KIAA1549L: variants seen among roughly 807,000 people sequenced by gnomAD.
KIAA1549L encodes KIAA1549 like, also known as UPF0606 protein KIAA1549L.
Under a neutral mutation model 160.7 loss-of-function variants are expected in KIAA1549L, and 88 were observed. The ratio of observed to expected loss-of-function variants is 0.55; its 90% confidence interval spans 0.46 to 0.65. The LOEUF (loss-of-function observed/expected upper bound fraction) is 0.65. KIAA1549L is among the 30% of genes least tolerant of loss of function. The pLI is 0.00. For missense variants in KIAA1549L, 2,258 were observed against 2,437.5 expected, an observed-to-expected ratio of 0.93 and a Z score of 1.55; for synonymous variants, 950 against 976.7, an observed-to-expected ratio of 0.97 and a Z score of 0.51.
intron 1 of KIAA1549L, among the ~76,000 whole-genome samples, chr11:33,480,128 A>C (rs1460009459): frequency 6.6e-6 from 1 of 152,166 alleles, no homozygotes; most frequent in African/African-American, 2.4e-5. Flanking sequence ...ACCCGTTTAA[A>C]GTGTGTAATT....
chr11:33,386,467 T>A (rs979839165), intron 1 of KIAA1549L, among the ~76,000 whole-genome samples: 1 of 150,894 alleles, frequency 6.6e-6, no homozygotes, highest in African/African-American at 2.4e-5. Flanking sequence ...GATCACCTAA[T>A]GTCAGAAGTT....
chr11:33,643,694 T>G (rs923767177), intron 16 of KIAA1549L, among the ~76,000 whole-genome samples: 1 of 152,182 alleles, frequency 6.6e-6, no homozygotes, highest in Admixed American at 6.5e-5. Flanking sequence ...AGCAGGAGGC[T>G]CTGCCATTGC....
intron 1 of KIAA1549L, among the ~76,000 whole-genome samples, chr11:33,475,734 A>G (rs1053721312): frequency 9.2e-5 from 14 of 151,520 alleles, no homozygotes; most frequent in African/African-American, 3.2e-4. Flanking sequence ...GTGCACATCT[A>G]TGGTCCCAGC....
intron 1 of KIAA1549L, among the ~76,000 whole-genome samples, chr11:33,516,141 T>TGAGATGTGATCAGCTATA (rs1590303060): frequency 4.0e-5 from 2 of 49,510 alleles, no homozygotes; most frequent in East Asian, 5.2e-4. Flanking sequence ...AGGTGATTCT[T>TGAGATGTGATCAGCTATA]TTTTTTTTTT....
At chr11:33,453,394 A>G (rs769352660) in intron 1 of KIAA1549L, among the ~76,000 whole-genome samples, 3 of 152,214 alleles carry the variant, frequency 2.0e-5, no homozygotes, top group Non-Finnish European at 4.4e-5. Context: ...GTTGATTATA[A>G]GTTCAAATAT....
chr11:33,412,500 A>T (rs1015705920), intron 1 of KIAA1549L, among the ~76,000 whole-genome samples: 3 of 152,224 alleles, frequency 2.0e-5, no homozygotes, highest in Non-Finnish European at 4.4e-5. Flanking sequence ...GTATGCTACC[A>T]TGAGGCAAGA....
chr11:33,439,568 AAT>A (rs1491519744), intron 1 of KIAA1549L, among the ~76,000 whole-genome samples: 1 of 119,782 alleles, frequency 8.3e-6, no homozygotes, highest in Admixed American at 9.3e-5. Context: ...ATGCCCGGCT[AAT>A]TTTTTTTTTT....
chr11:33,492,292 C>T (rs1303885773), intron 1 of KIAA1549L, among the ~76,000 whole-genome samples: 1 of 152,140 alleles, frequency 6.6e-6, no homozygotes, highest in Non-Finnish European at 1.5e-5. Context: ...CACTTGAACC[C>T]AGAGACAGAG....
chr11:33,667,230 C>G (rs1310684017), intron 20 of KIAA1549L, among the ~76,000 whole-genome samples: 1 of 152,042 alleles, frequency 6.6e-6, no homozygotes, highest in Non-Finnish European at 1.5e-5. Context: ...ATAAGGTAGC[C>G]AGGTAGATTC....
intron 1 of KIAA1549L, among the ~76,000 whole-genome samples, chr11:33,409,419 T>C (rs1850741744): frequency 6.6e-6 from 1 of 152,230 alleles, no homozygotes; most frequent in African/African-American, 2.4e-5. Context: ...TGCTGGTTTT[T>C]ATAAAGAACA....
At chr11:33,388,946 A>C (rs957288204) in intron 1 of KIAA1549L, among the ~76,000 whole-genome samples, 11 of 152,372 alleles carry the variant, frequency 7.2e-5, no homozygotes, top group African/African-American at 2.6e-4. Context: ...ACATAGGCCA[A>C]GGTCGCTGCT....
Position 33,670,089 on chromosome 11 carries a change from A to G in KIAA1549L, c.*1935A>G, listed in dbSNP as rs1317030905. 4 of 152,234 alleles carry G rather than the reference A, an allele frequency of 2.6e-5. No homozygotes were observed. The highest frequency in any genetic ancestry group is 2.6e-4 in the Admixed American group (4 of 15,286). 9.4% of individuals were successfully genotyped at this position (152,234 alleles called of 1,614,324 possible). A position where few individuals can be genotyped will look rare whatever the true frequency, so the allele number is the denominator to read the frequency against. On this transcript the variant is annotated 3_prime_UTR_variant, in exon 21 of 21. Coordinates refer to ENST00000658780, the MANE Select transcript of KIAA1549L (RefSeq NM_012194.3). ...GTCTATCCACATAGGCATTCAATGC[A>G]CTTGAATGAACAAAGAGCCAAAGAA... is the stretch of plus-strand genomic sequence containing the variant.
At chr11:33,434,039 T>G (rs1213323385) in intron 1 of KIAA1549L, among the ~76,000 whole-genome samples, 1 of 151,848 alleles carries the variant, frequency 6.6e-6, no homozygotes, top group Non-Finnish European at 1.5e-5. Context: ...GTTCTGCACA[T>G]GTATCCTGCT....
intron 1 of KIAA1549L, among the ~76,000 whole-genome samples, chr11:33,390,222 G>C (rs1315466446): frequency 6.6e-6 from 1 of 152,130 alleles, no homozygotes. Context: ...CAGGCAGTTC[G>C]ATTCCAGAGC....
At position 33,574,782 on chromosome 11, in the gene KIAA1549L, G is replaced by T; in HGVS notation, c.4311G>T (p.Leu1437Phe). The change falls in exon 10 of 21, where the codon TTG (leucine) becomes TTT (phenylalanine). Residue 1437 changes from leucine to phenylalanine, a missense_variant. Leu to Phe is a conservative substitution (Grantham distance 22). This residue lies in a region of KIAA1549L where 1,359 missense variants were observed against 1,546.6 expected (regional missense o/e 0.88). Coordinates refer to ENST00000658780, the MANE Select transcript of KIAA1549L (RefSeq NM_012194.3). ...ATACCCTGTACAACGGGAAGCCTTT[G>T]TTGGGGACCGCAGCTGCCAAGATCC... ...TYYTLYNGKPLLGTAAAKILS... is the reference protein window; with the variant it reads ...TYYTLYNGKPFLGTAAAKILS... The T allele has an allele frequency of 6.2e-7, 1 of 1,614,020 alleles. No homozygotes were observed. Among genetic ancestry groups the T allele is most frequent in the Admixed American group, 1.7e-5 (1 of 60,032 alleles).
At position 33,618,673 on chromosome 11, in the gene KIAA1549L, G is replaced by C. The variant is rs1465057086; in HGVS notation, c.5409+11G>C. The C allele has an allele frequency of 4.5e-6, 7 of 1,560,406 alleles. No homozygotes were observed. In the Admixed American group the frequency reaches 9.4e-5, roughly 21 times the overall value. Reference sequence around the variant, plus strand: ...AACAGCGGATACGATGTGAGTCTCTGGTGGGCTGGGTAAATACAAGCTTTC... The same window carrying C: ...AACAGCGGATACGATGTGAGTCTCTCGTGGGCTGGGTAAATACAAGCTTTC... On this transcript the variant is annotated intron_variant, in intron 16 of 20. Transcript: ENST00000658780.
chr11:33,449,309 T>G (rs972465519), intron 1 of KIAA1549L, among the ~76,000 whole-genome samples: 2 of 152,178 alleles, frequency 1.3e-5, no homozygotes, highest in Admixed American at 6.5e-5. Flanking sequence ...CTTTTTCTTC[T>G]TTGGAGCTTA....
intron 1 of KIAA1549L, among the ~76,000 whole-genome samples, chr11:33,478,740 A>C (rs947277791): frequency 2.6e-5 from 4 of 152,082 alleles, no homozygotes; most frequent in Non-Finnish European, 4.4e-5. Flanking sequence ...TTTTTAAATT[A>C]TTATTATTAT....
rs185781454 is a variant in KIAA1549L, at chr11:33,638,548, A to G, written c.5410-7138A>G. Among the ~76,000 whole-genome samples the G allele has an allele frequency of 2.6e-5, 4 of 151,802 alleles. No individual in the cohort carries two copies. The East Asian group carries it at 7.7e-4, about 29-fold the overall frequency. ...ATACTATTTGTTTATCCATTATCCTATTGTTGGACATTTGGATTGCTTCCA... is the reference window on the plus strand; with the variant it reads ...ATACTATTTGTTTATCCATTATCCTGTTGTTGGACATTTGGATTGCTTCCA... On this transcript the variant is annotated intron_variant, in intron 16 of 20. Coordinates refer to ENST00000658780, the MANE Select transcript of KIAA1549L (RefSeq NM_012194.3).
Sources: allele counts gnomAD v4.1 joint callset (sites outside exome capture counted in the v4.1 genomes callset), GRCh38; gene constraint gnomAD v4.1.1; regional missense constraint gnomAD v4.1.1; transcripts MANE v1.5; gene names NCBI Gene and HGNC (gene_info 2026-07-23, HGNC 2026-07-21).